The following EMID1 variants were observed in gnomAD, a reference collection of about 807,000 sequenced individuals.
EMID1 encodes EMI domain-containing protein 1.
A neutral mutation model predicts 60.6 loss-of-function variants in EMID1; 40 were observed. That is an observed-to-expected ratio of 0.66 (90% CI 0.51 to 0.86). The LOEUF is 0.86. Ranked by LOEUF, EMID1 falls within the 40% of genes least tolerant of loss-of-function variation. The pLI, the probability that EMID1 is intolerant of heterozygous loss-of-function variation, is 0.00. For synonymous variants in EMID1, 242 were observed against 231.0 expected (o/e 1.05, Z -0.43); for missense variants, 585 against 597.1 (o/e 0.98, Z 0.21).
chr22:29,242,889 A>G (rs2041200717), intron 12 of EMID1, among the ~76,000 whole-genome samples: 1 of 152,138 alleles, frequency 6.6e-6, no homozygotes, highest in Non-Finnish European at 1.5e-5. Flanking sequence ...TCTGTCTCCT[A>G]TATGGTGGGC....
At chr22:29,255,336 C>G (rs771974518) in intron 14 of EMID1, 20 of 1,520,760 alleles carry the variant, frequency 1.3e-5, no homozygotes, top group Middle Eastern at 1.7e-4. Flanking sequence ...GACGGGTCAC[C>G]CTCCTGGAAG....
chr22:29,251,316 AAGCAGTCCACCC>A (rs1365462764), intron 13 of EMID1, among the ~76,000 whole-genome samples: 1 of 151,466 alleles, frequency 6.6e-6, no homozygotes, highest in Non-Finnish European at 1.5e-5. Context: ...TCCTGAGCTC[AAGCAGTCCACCC>A]ACCTCAGCCT....
At chr22:29,250,110 G>T (rs978477742) in intron 13 of EMID1, among the ~76,000 whole-genome samples, 3 of 152,204 alleles carry the variant, frequency 2.0e-5, no homozygotes, top group Admixed American at 6.5e-5. Flanking sequence ...TTTTCAATTA[G>T]CTGGGTGTGG....
chr22:29,229,317 C>T (rs553267312), intron 5 of EMID1, among the ~76,000 whole-genome samples: 26 of 151,940 alleles, frequency 1.7e-4, no homozygotes, highest in African/African-American at 4.6e-4. Flanking sequence ...CTAGCCTGGA[C>T]GGCAGAGCTA....
intron 13 of EMID1, among the ~76,000 whole-genome samples, chr22:29,246,259 C>A (rs1362625554): frequency 6.6e-6 from 1 of 151,978 alleles, no homozygotes; most frequent in East Asian, 1.9e-4. Context: ...GCCAAAGAGG[C>A]CTTCAGGGTG....
chr22:29,221,413 C>T (rs1011461853), intron 3 of EMID1, among the ~76,000 whole-genome samples: 1 of 152,132 alleles, frequency 6.6e-6, no homozygotes, highest in Non-Finnish European at 1.5e-5. Flanking sequence ...CTTGCTCTGT[C>T]GCCCAGGCTG....
intron 3 of EMID1, among the ~76,000 whole-genome samples, chr22:29,220,587 G>A (rs539865713): frequency 9.5e-4 from 107 of 112,086 alleles, no homozygotes; most frequent in Non-Finnish European, 1.9e-3. Context: ...TTGTGAACGA[G>A]GAAGCCCTTT....
chr22:29,250,733 ATTTTTTTTTTTTTTTTTT>A (rs748172215), intron 13 of EMID1, among the ~76,000 whole-genome samples: 6 of 22,486 alleles, frequency 2.7e-4, no homozygotes, highest in South Asian at 1.6e-3. Flanking sequence ...CACCCGGCTA[ATTTTTTTTTTTTTTTTTT>A]TTTTTTTTTT....
rs202116371 is a variant in EMID1 at position 29,225,198 on chromosome 22, C to T, written c.385C>T (p.Arg129Trp). 2.7e-5 allele frequency: 44 copies of T among 1,613,706 alleles called. No individual in the cohort carries two copies. The highest frequency in any genetic ancestry group is 3.1e-5 in the Non-Finnish European group (37 of 1,180,004). ...SGSTMRRMAL[R>W]PTAFSGCLNC... ...CAGTACCATGCGGCGGATGGCGCTTCGGCCCACAGCCTTCTCAGGTGGGTC... is the reference window on the plus strand; with the variant it reads ...CAGTACCATGCGGCGGATGGCGCTTTGGCCCACAGCCTTCTCAGGTGGGTC... The change falls in exon 4 of 15, where the codon CGG becomes TGG. Residue 129 changes from arginine (R) to tryptophan (W), a missense_variant. Arg to Trp is a moderately radical substitution (Grantham distance 101, BLOSUM62 -3). Coordinates refer to ENST00000334018, the MANE Select transcript of EMID1 (RefSeq NM_133455.4).
At chr22:29,252,815 G>A (rs973083965) in intron 13 of EMID1, among the ~76,000 whole-genome samples, 4 of 152,152 alleles carry the variant, frequency 2.6e-5, no homozygotes, top group South Asian at 2.1e-4. Context: ...TGAGGGTGAC[G>A]CATCAGGATG....
At chr22:29,220,781 C>G (rs2040263613) in intron 3 of EMID1, among the ~76,000 whole-genome samples, 1 of 152,144 alleles carries the variant, frequency 6.6e-6, no homozygotes, top group South Asian at 2.1e-4. Flanking sequence ...CCTCAGTGTT[C>G]TGTGTCATGA....
chr22:29,218,096 T>C (rs2040151781), intron 3 of EMID1, among the ~76,000 whole-genome samples: 1 of 152,248 alleles, frequency 6.6e-6, no homozygotes, highest in East Asian at 1.9e-4. Context: ...TCACCCAGCA[T>C]GAAGAAGTAG....
chr22:29,257,268 A>C (rs1047950348), intron 14 of EMID1, among the ~76,000 whole-genome samples: 3 of 152,144 alleles, frequency 2.0e-5, no homozygotes, highest in African/African-American at 4.8e-5. Flanking sequence ...CAACATACAC[A>C]TCAGGTGCTA....
chr22:29,217,897 G>A (rs140459464), intron 3 of EMID1, among the ~76,000 whole-genome samples: 120 of 152,296 alleles, frequency 7.9e-4, no homozygotes, highest in African/African-American at 2.7e-3. Flanking sequence ...CCTGCCCAGT[G>A]CTGTCTCTTG....
At chr22:29,254,547 G>C in intron 14 of EMID1, 1 of 437,320 alleles carries the variant, frequency 2.3e-6, no homozygotes, top group East Asian at 4.2e-5. Context: ...GGGTAGTGTG[G>C]TTTCTAGGCC....
Position 29,237,615 on chromosome 22 carries a change from G to A in EMID1, c.1074+3266G>A, listed in dbSNP as rs540707393. Among the ~76,000 whole-genome samples the A allele has an allele frequency of 2.3e-4, 33 of 143,464 alleles. 5 individuals are homozygous for A. The highest frequency in any genetic ancestry group is 9.1e-4 in the African/African-American group (33 of 36,222). The allele number at this position is 143,464 out of a possible 152,430, so 94.1% of individuals were successfully genotyped here. A position where few individuals can be genotyped will look rare whatever the true frequency, so the allele number is the denominator to read the frequency against. On this transcript the variant is annotated intron_variant, in intron 12 of 14. Transcript: ENST00000334018. ...AGATGGAGACCATCCTGGTGAACAC[G>A]GTGAAACCCCGTCTCTACTAAAAAT...
intron 3 of EMID1, among the ~76,000 whole-genome samples, chr22:29,219,613 C>CA (rs549506114): frequency 0.022 from 3,324 of 148,342 alleles, 51 homozygotes; most frequent in African/African-American, 0.044. Context: ...GACCCTATCT[C>CA]AAAAAAAAAA....
intron 13 of EMID1, among the ~76,000 whole-genome samples, chr22:29,244,458 A>G (rs986637741): frequency 3.9e-5 from 6 of 152,050 alleles, no homozygotes; most frequent in Admixed American, 3.9e-4. Context: ...ATACAAAATT[A>G]GCCTTAAAGG....
intron 1 of EMID1, among the ~76,000 whole-genome samples, chr22:29,211,103 G>A (rs2039864950): frequency 6.6e-6 from 1 of 152,226 alleles, no homozygotes; most frequent in African/African-American, 2.4e-5. Context: ...GTGTGCATGT[G>A]CAGGTGTGTC....
Sources: gnomAD v4.1 joint callset for allele counts (sites outside exome capture counted in the v4.1 genomes callset) on GRCh38, gnomAD v4.1.1 for gene constraint, MANE v1.5 for transcripts, NCBI Gene and HGNC (gene_info 2026-07-23, HGNC 2026-07-21) for gene names.